The following MTUS2 variants were observed in gnomAD, a reference collection of about 807,000 sequenced individuals.
The protein encoded by MTUS2 is microtubule associated scaffold protein 2.
A neutral mutation model predicts 114.1 loss-of-function variants in MTUS2; 40 were observed. The observed-to-expected ratio is 0.35, with a 90% CI of 0.27 to 0.46. MTUS2 has a LOEUF of 0.46. Ranked by LOEUF, MTUS2 falls within the 20% of genes least tolerant of loss-of-function variation. MTUS2 has a pLI of 1.00. For synonymous variants in MTUS2, 688 were observed against 672.0 expected (o/e 1.02, Z -0.37); for missense variants, 1,679 against 1,705.4 (o/e 0.98, Z 0.27).
intron 10 of MTUS2, chr13:29,485,390 A>C (rs774836938): frequency 6.6e-6 from 1 of 152,642 alleles, no homozygotes; most frequent in African/African-American, 2.4e-5. Context: ...AACAGTAGAC[A>C]GCTCCTTCCT....
chr13:29,327,130 A>G (rs1900553082), intron 7 of MTUS2, among the ~76,000 whole-genome samples: 1 of 108,688 alleles, frequency 9.2e-6, no homozygotes, highest in Non-Finnish European at 2.2e-5. Context: ...AAAATATAAA[A>G]ATATTAAAAA....
At chr13:29,027,677 T>A (rs1318542344) in intron 3 of MTUS2, among the ~76,000 whole-genome samples, 1 of 152,160 alleles carries the variant, frequency 6.6e-6, no homozygotes, top group Non-Finnish European at 1.5e-5. Context: ...TCAGCTTCCC[T>A]AGTACCTGGG....
At chr13:29,367,319 A>AGG (rs1206429472) in intron 8 of MTUS2, among the ~76,000 whole-genome samples, 62 of 152,202 alleles carry the variant, frequency 4.1e-4, no homozygotes, top group African/African-American at 1.5e-3. Context: ...GTGTGGGGAG[A>AGG]GGGCAGGACC....
chr13:29,233,013 A>AT (rs1319580900), intron 5 of MTUS2, among the ~76,000 whole-genome samples: 4 of 152,238 alleles, frequency 2.6e-5, no homozygotes, highest in Non-Finnish European at 5.9e-5. Flanking sequence ...GGGCCTGGAC[A>AT]TTAACAAAAA....
chr13:29,314,562 A>T (rs1899908168), intron 6 of MTUS2, among the ~76,000 whole-genome samples: 1 of 152,236 alleles, frequency 6.6e-6, no homozygotes. Context: ...ATAAGAAGTT[A>T]CTGAAATATA....
chr13:29,221,875 A>G (rs1450749952), intron 5 of MTUS2, among the ~76,000 whole-genome samples: 1 of 152,004 alleles, frequency 6.6e-6, no homozygotes, highest in African/African-American at 2.4e-5. Context: ...TTTTCATATT[A>G]TAGTTCTTAT....
chr13:29,188,555 C>T (rs1203125299), intron 5 of MTUS2, among the ~76,000 whole-genome samples: 1 of 152,150 alleles, frequency 6.6e-6, no homozygotes, highest in African/African-American at 2.4e-5. Context: ...TTTGAGCCTA[C>T]CTGCTTTGCA....
At chr13:28,885,933 T>C (rs1005073266) in intron 2 of MTUS2, among the ~76,000 whole-genome samples, 7 of 152,124 alleles carry the variant, frequency 4.6e-5, no homozygotes, top group African/African-American at 1.7e-4. Flanking sequence ...TGATATTTCA[T>C]CAGGGAGAGC....
At chr13:29,001,632 T>G (rs1022072070) in intron 2 of MTUS2, among the ~76,000 whole-genome samples, 1 of 152,182 alleles carries the variant, frequency 6.6e-6, no homozygotes, top group African/African-American at 2.4e-5. Context: ...ACATCTGTGC[T>G]GATGTGGCAG....
intron 5 of MTUS2, among the ~76,000 whole-genome samples, chr13:29,241,001 G>A (rs1165259065): frequency 6.6e-6 from 1 of 152,054 alleles, no homozygotes; most frequent in African/African-American, 2.4e-5. Context: ...CTTCTTTAAT[G>A]ACATTGCATA....
intron 5 of MTUS2, among the ~76,000 whole-genome samples, chr13:29,188,456 T>C (rs905538880): frequency 1.3e-5 from 2 of 152,216 alleles, no homozygotes; most frequent in African/African-American, 4.8e-5. Context: ...CTGGGATCCA[T>C]TAGCTCAAAA....
chr13:29,308,822 A>G (rs1422796213), intron 6 of MTUS2, among the ~76,000 whole-genome samples: 2 of 152,232 alleles, frequency 1.3e-5, no homozygotes, highest in African/African-American at 4.8e-5. Context: ...CATTAGAGAA[A>G]TGCAAGTCAA....
At chr13:29,337,724 C>T in intron 7 of MTUS2, among the ~76,000 whole-genome samples, 1 of 151,198 alleles carries the variant, frequency 6.6e-6, no homozygotes, top group Non-Finnish European at 1.5e-5. Flanking sequence ...GCCTGAGCTT[C>T]CTGAGTAGCT....
chr13:29,258,342 T>C (rs1208273936), intron 5 of MTUS2, among the ~76,000 whole-genome samples: 1 of 152,218 alleles, frequency 6.6e-6, no homozygotes, highest in Admixed American at 6.5e-5. Flanking sequence ...TGAATTCTTC[T>C]TGTGCTTTGA....
In MTUS2 at chr13:28,865,558, A is replaced by G. The variant is rs532477214; in HGVS notation, c.-243+25708A>G. ...TGCTTGATAATGAGAGGCCGAGCTT[A>G]GTTATGCAAATTGTTTTAGCATCAA... is the stretch of plus-strand genomic sequence containing the variant. On this transcript the variant is annotated intron_variant, in intron 2 of 15. Transcript: ENST00000612955. 3.9e-5 allele frequency among the ~76,000 whole-genome samples: 6 copies of G among 152,326 alleles called. No individual in the cohort carries two copies. In the South Asian group the frequency reaches 1.2e-3, roughly 32 times the overall value.
chr13:29,352,685 T>G (rs920977382), intron 7 of MTUS2, among the ~76,000 whole-genome samples: 5 of 152,346 alleles, frequency 3.3e-5, no homozygotes, highest in African/African-American at 1.2e-4. Flanking sequence ...CAGTGTTTTA[T>G]TTCTTTTGAT....
At chr13:29,087,818 G>GT (rs1889758580) in intron 4 of MTUS2, among the ~76,000 whole-genome samples, 1 of 152,152 alleles carries the variant, frequency 6.6e-6, no homozygotes, top group South Asian at 2.1e-4. Context: ...CGGCACTCTG[G>GT]TAGGCTGAGG....
chr13:29,043,456 G>A (rs1411191844), intron 4 of MTUS2, among the ~76,000 whole-genome samples: 1 of 151,908 alleles, frequency 6.6e-6, no homozygotes, highest in African/African-American at 2.4e-5. Context: ...TTTGTTCTAG[G>A]GTATAGTTTA....
chr13:29,264,436 C>T (rs1804662224), intron 5 of MTUS2, among the ~76,000 whole-genome samples: 1 of 152,222 alleles, frequency 6.6e-6, no homozygotes, highest in South Asian at 2.1e-4. Flanking sequence ...TCCCATAGCT[C>T]CCCCAGGCAG....
Sources: allele counts gnomAD v4.1 joint callset (sites outside exome capture counted in the v4.1 genomes callset), GRCh38; gene constraint gnomAD v4.1.1; transcripts MANE v1.5; gene names NCBI Gene and HGNC (gene_info 2026-07-23, HGNC 2026-07-21).